PSD3: variants seen among roughly 807,000 people sequenced by gnomAD.
The protein encoded by PSD3 is PH and SEC7 domain-containing protein 3.
A neutral mutation model predicts 105.5 loss-of-function variants in PSD3; 49 were observed. That is an observed-to-expected ratio of 0.46 (90% confidence interval 0.37 to 0.59). The LOEUF is 0.59. Ranked by LOEUF, PSD3 falls within the 20% of genes least tolerant of loss-of-function variation. The probability of loss-of-function intolerance (pLI) is 0.00; values close to 1 mark genes in which losing one functional copy is unlikely to be tolerated. For missense variants in PSD3, 1,561 were observed against 1,263.8 expected (o/e 1.24, Z -3.57); for synonymous variants, 557 against 457.8 (o/e 1.22, Z -2.77).
intron 12 of PSD3, among the ~76,000 whole-genome samples, chr8:18,594,093 T>C (rs1057016104): frequency 7.6e-6 from 1 of 130,988 alleles, no homozygotes; most frequent in Non-Finnish European, 1.5e-5. Context: ...CTGCACGTTG[T>C]GCATATGTAC....
chr8:18,607,732 A>G (rs1804957946), intron 11 of PSD3, among the ~76,000 whole-genome samples: 1 of 148,790 alleles, frequency 6.7e-6, no homozygotes, highest in South Asian at 2.1e-4. Context: ...GTGTATTAGT[A>G]CATTCTCACA....
intron 12 of PSD3, among the ~76,000 whole-genome samples, chr8:18,590,703 G>C (rs1006233211): frequency 2.6e-5 from 4 of 152,048 alleles, no homozygotes; most frequent in African/African-American, 9.7e-5. Flanking sequence ...AAAAGAGTAT[G>C]TCTGAAAGTG....
At chr8:18,753,996 T>G (rs1805814219) in intron 9 of PSD3, among the ~76,000 whole-genome samples, 2 of 152,202 alleles carry the variant, frequency 1.3e-5, no homozygotes, top group Non-Finnish European at 2.9e-5. Flanking sequence ...AAATCACTTC[T>G]TGCTACTGCC....
chr8:18,647,022 C>A (rs1372067412), intron 10 of PSD3, among the ~76,000 whole-genome samples: 1 of 152,122 alleles, frequency 6.6e-6, no homozygotes, highest in African/African-American at 2.4e-5. Flanking sequence ...TATCATCCCC[C>A]AAGAATACAC....
chr8:18,827,242 T>C (rs564875950), intron 4 of PSD3, among the ~76,000 whole-genome samples: 18 of 152,208 alleles, frequency 1.2e-4, no homozygotes, highest in South Asian at 1.0e-3. Flanking sequence ...AGTGCTTCAA[T>C]GGGAAAAGGT....
chr8:19,007,989 C>T (rs892484995), intron 1 of PSD3, among the ~76,000 whole-genome samples: 2 of 152,124 alleles, frequency 1.3e-5, no homozygotes, highest in African/African-American at 4.8e-5. Context: ...ATTACAGGCA[C>T]CTGCCACCAT....
At chr8:18,664,603 C>A (rs1225554150) in intron 9 of PSD3, among the ~76,000 whole-genome samples, 2 of 152,192 alleles carry the variant, frequency 1.3e-5, no homozygotes, top group African/African-American at 2.4e-5. Context: ...AGCAAGTTAT[C>A]CAGAAGATCC....
intron 1 of PSD3, among the ~76,000 whole-genome samples, chr8:18,975,630 C>T (rs549794898): frequency 2.6e-5 from 4 of 152,324 alleles, no homozygotes; most frequent in African/African-American, 4.8e-5. Flanking sequence ...TTTCCTGCAA[C>T]AGTTCCAGTA....
chr8:18,559,702 A>G (rs1384870048), intron 14 of PSD3, among the ~76,000 whole-genome samples: 1 of 152,180 alleles, frequency 6.6e-6, no homozygotes, highest in African/African-American at 2.4e-5. Context: ...CTTTAGATTT[A>G]GGCTTTCCAA....
intron 4 of PSD3, among the ~76,000 whole-genome samples, chr8:18,856,997 C>T (rs1816063771): frequency 6.6e-6 from 1 of 152,196 alleles, no homozygotes; most frequent in East Asian, 1.9e-4. Flanking sequence ...CACTCTTCGC[C>T]ACCAACCATA....
chr8:18,558,336 T>C (rs1202204538), intron 14 of PSD3, among the ~76,000 whole-genome samples: 1 of 152,168 alleles, frequency 6.6e-6, no homozygotes, highest in Non-Finnish European at 1.5e-5. Context: ...GCATGATGTA[T>C]TTTCCTTCTT....
chr8:18,809,256 T>C lies in PSD3; in HGVS notation c.1635-4358A>G, dbSNP rs79157028. Among the ~76,000 whole-genome samples the C allele has an allele frequency of 9.1e-3, 1,378 of 152,200 alleles. 22 individuals are homozygous for C. The highest frequency in any genetic ancestry group is 0.032 in the African/African-American group (1,309 of 41,490). ...CTTTACAGCCTAGTAAGGTTGCAAA[T>C]AAATAAATCCCTACCAGTCACTTAA... On this transcript the variant is annotated intron_variant, in intron 4 of 15. Transcript: ENST00000327040.
chr8:18,740,153 C>T (rs998304774), intron 9 of PSD3, among the ~76,000 whole-genome samples: 10 of 152,192 alleles, frequency 6.6e-5, no homozygotes, highest in Non-Finnish European at 1.3e-4. Context: ...CCTAGCACGG[C>T]GTTGCTTTCC....
At position 18,530,588 on chromosome 8, in the gene PSD3, G is replaced by A. The variant is rs1038113580; in HGVS notation, c.*5155C>T. 24 of 152,364 alleles carry A rather than the reference G, an allele frequency of 1.6e-4. No homozygotes were observed. The highest frequency in any genetic ancestry group is 2.8e-4 in the Non-Finnish European group (19 of 68,026). 9.4% of individuals were successfully genotyped at this position (152,364 alleles called of 1,614,324 possible). ...ACTAATTACAACAACAATAAAGAAC[G>A]TGTGCTTTAAAGCATCACATTTTGT... On this transcript the variant is annotated 3_prime_UTR_variant, in exon 16 of 16. Coordinates refer to ENST00000327040, the MANE Select transcript of PSD3 (RefSeq NM_015310.4).
At chr8:18,539,666 G>C (rs1165242790) in intron 15 of PSD3, among the ~76,000 whole-genome samples, 2 of 150,894 alleles carry the variant, frequency 1.3e-5, no homozygotes, top group Non-Finnish European at 2.9e-5. Flanking sequence ...CCCTGCCTCA[G>C]CCTCTGGAGT....
intron 12 of PSD3, among the ~76,000 whole-genome samples, chr8:18,579,307 C>G (rs1161816428): frequency 6.6e-6 from 1 of 152,128 alleles, no homozygotes; most frequent in Non-Finnish European, 1.5e-5. Flanking sequence ...CGTAATCAAA[C>G]CATTTCAAAC....
intron 4 of PSD3, among the ~76,000 whole-genome samples, chr8:18,858,840 A>G (rs1042950506): frequency 6.6e-6 from 1 of 152,192 alleles, no homozygotes; most frequent in African/African-American, 2.4e-5. Context: ...AATCTACTGG[A>G]AGTTTCAAAC....
chr8:18,707,585 A>G (rs988662607), intron 9 of PSD3, among the ~76,000 whole-genome samples: 2 of 152,204 alleles, frequency 1.3e-5, no homozygotes, highest in African/African-American at 4.8e-5. Flanking sequence ...GATAGATATT[A>G]TCATCACTCC....
intron 4 of PSD3, among the ~76,000 whole-genome samples, chr8:18,838,972 TGAAAAGCCTGAG>T (rs918367470): frequency 6.6e-5 from 10 of 151,836 alleles, no homozygotes; most frequent in Non-Finnish European, 1.5e-4. Flanking sequence ...ATCCTATAGA[TGAAAAGCCTGAG>T]GAAAAGGCTT....
Sources: allele counts gnomAD v4.1 joint callset (sites outside exome capture counted in the v4.1 genomes callset), GRCh38; gene constraint gnomAD v4.1.1; transcripts MANE v1.5; gene names NCBI Gene and HGNC (gene_info 2026-07-23, HGNC 2026-07-21).